Variants in C5 observed in about 807,000 individuals in gnomAD.
C5 encodes C3 and PZP-like alpha-2-macroglobulin domain-containing protein 4.
A neutral mutation model predicts 218.8 loss-of-function variants in C5; 140 were observed. The observed-to-expected ratio is 0.64, with a 90% CI of 0.56 to 0.74. C5 has a LOEUF of 0.74. Among genes scored for constraint, C5 ranks in the 30% least tolerant of loss-of-function variants. The probability of loss-of-function intolerance (pLI) is 0.00; values close to 1 mark genes in which losing one functional copy is unlikely to be tolerated. For synonymous variants in C5, 614 were observed against 682.3 expected, an observed-to-expected ratio of 0.90 and a Z score of 1.56; for missense variants, 1,700 against 1,969.6, an observed-to-expected ratio of 0.86 and a Z score of 2.59.
chr9:121,034,131 G>T (rs2047502468), intron 5 of C5, among the ~76,000 whole-genome samples: 1 of 152,138 alleles, frequency 6.6e-6, no homozygotes, highest in Non-Finnish European at 1.5e-5. Flanking sequence ...TGTTGGCCAG[G>T]CTGGTCTCAA....
At chr9:121,042,958 T>G (rs375421833) in intron 3 of C5, 46 bp downstream of exon 3, 73 of 1,497,232 alleles carry the variant, frequency 4.9e-5, no homozygotes, top group Non-Finnish European at 6.2e-5. Flanking sequence ...ATAGTGTCAA[T>G]ACTGTCAAAT....
chr9:121,048,372 A>G (rs2047645768), intron 1 of C5, among the ~76,000 whole-genome samples: 1 of 152,210 alleles, frequency 6.6e-6, no homozygotes, highest in Non-Finnish European at 1.5e-5. Context: ...CTCCTGTCAG[A>G]TCAGTGGTGG....
intron 3 of C5, among the ~76,000 whole-genome samples, chr9:121,042,654 C>T (rs1165580909): frequency 1.3e-5 from 2 of 152,180 alleles, no homozygotes; most frequent in African/African-American, 2.4e-5. Flanking sequence ...ACAATAATTT[C>T]GCATAGCTAA....
the C5 span, among the ~76,000 whole-genome samples, chr9:121,073,244 T>C: frequency 3.3e-5 from 5 of 152,230 alleles, no homozygotes; most frequent in Admixed American, 2.0e-4. Flanking sequence ...CCAGCCACAC[T>C]GAATTACTTA....
chr9:121,038,409 T>TA (rs2047548784), intron 3 of C5, among the ~76,000 whole-genome samples: 2 of 152,184 alleles, frequency 1.3e-5, no homozygotes, highest in South Asian at 4.1e-4. Flanking sequence ...CTCTTCCACT[T>TA]ATGAAAACCC....
intron 22 of C5, 52 bp downstream of exon 22, chr9:120,996,188 T>C (rs1245402410): frequency 7.4e-7 from 1 of 1,355,632 alleles, no homozygotes; most frequent in Non-Finnish European, 1.1e-6. Context: ...CATACACACT[T>C]TAACTTCTAA....
intron 23 of C5, among the ~76,000 whole-genome samples, chr9:120,990,556 A>G (rs2131712697): frequency 6.6e-6 from 1 of 152,238 alleles, no homozygotes; most frequent in Non-Finnish European, 1.5e-5. Flanking sequence ...CTTATAGACG[A>G]GGTAAGAGGA....
chr9:121,043,842 C>A (rs1324662743), intron 2 of C5, among the ~76,000 whole-genome samples: 2 of 151,788 alleles, frequency 1.3e-5, no homozygotes, highest in Non-Finnish European at 2.9e-5. Flanking sequence ...GTCACCGTGC[C>A]CATGTGTCCA....
chr9:120,980,677 G>A (rs184038860), intron 27 of C5, among the ~76,000 whole-genome samples: 11 of 151,898 alleles, frequency 7.2e-5, no homozygotes, highest in African/African-American at 2.2e-4. Context: ...TGCAAGCTCC[G>A]CCTCCCAGGT....
rs1426631593 is a variant in C5 at position 120,980,082 on chromosome 9, C to T, written c.3658+1G>A. 1.2e-6 allele frequency: 2 copies of T among 1,613,738 alleles called. No individual in the cohort carries two copies. Among genetic ancestry groups the T allele is most frequent in the African/African-American group, 1.3e-5 (1 of 74,862 alleles). ...GAATACATGTATGGAACAAGTTATA[C>T]CTTTAACCAAAGCTTCTCTCTTCAA... On this transcript the variant is annotated splice_donor_variant, in intron 28 of 40. Coordinates refer to ENST00000223642, the MANE Select transcript of C5 (RefSeq NM_001735.3). LOFTEE classifies it high-confidence loss of function.
intron 20 of C5, among the ~76,000 whole-genome samples, chr9:121,004,989 A>AT (rs1219001934): frequency 6.6e-6 from 1 of 151,972 alleles, no homozygotes; most frequent in Non-Finnish European, 1.5e-5. Context: ...GTCTTAAAAA[A>AT]AAAAGTGTCA....
intron 6 of C5, 131 bp from the exon 7 acceptor site, chr9:121,030,618 AATC>A (rs993145219): frequency 5.0e-6 from 3 of 600,316 alleles, no homozygotes; most frequent in Non-Finnish European, 9.0e-6. Context: ...TTATTATCAT[AATC>A]ATCATCGTCA....
At chr9:120,967,221 C>G (rs1328594185) in intron 33 of C5, among the ~76,000 whole-genome samples, 1 of 148,626 alleles carries the variant, frequency 6.7e-6, no homozygotes, top group East Asian at 2.0e-4. Flanking sequence ...GATCACGCCA[C>G]TGCACTCCAG....
chr9:121,018,803 AAG>A (rs1462697992), intron 12 of C5, among the ~76,000 whole-genome samples: 3 of 150,234 alleles, frequency 2.0e-5, no homozygotes, highest in East Asian at 3.9e-4. Flanking sequence ...GGAAGGAAGA[AAG>A]AGTGAGTTAA....
At chr9:121,065,460 T>G in the C5 span, among the ~76,000 whole-genome samples, 4 of 149,258 alleles carry the variant, frequency 2.7e-5, no homozygotes, top group Non-Finnish European at 6.0e-5. Flanking sequence ...AGCATTACTT[T>G]TTTTGTTTTG....
chr9:121,010,740 T>C (rs1316356241), intron 17 of C5, among the ~76,000 whole-genome samples: 1 of 151,876 alleles, frequency 6.6e-6, no homozygotes, highest in African/African-American at 2.4e-5. Flanking sequence ...AATTATACTA[T>C]AGTATAATTC....
intron 21 of C5, 61 bp downstream of exon 21, chr9:120,997,486 C>T (rs1389257844): frequency 8.1e-7 from 1 of 1,228,750 alleles, no homozygotes; most frequent in Admixed American, 1.8e-5. Context: ...TCTCCCCCCC[C>T]TTTCTGTGTC....
intron 33 of C5, among the ~76,000 whole-genome samples, chr9:120,964,107 A>G (rs2046848429): frequency 6.6e-6 from 1 of 152,238 alleles, no homozygotes; most frequent in Non-Finnish European, 1.5e-5. Flanking sequence ...TCATTTTCTA[A>G]TGAAGCATAT....
the C5 span, among the ~76,000 whole-genome samples, chr9:121,064,123 G>A: frequency 1.3e-5 from 2 of 151,100 alleles, no homozygotes; most frequent in Non-Finnish European, 3.0e-5. Context: ...TTTATTTTTT[G>A]TTTTTTTAAA....
Sources: gnomAD v4.1 joint callset for allele counts (sites outside exome capture counted in the v4.1 genomes callset) on GRCh38, gnomAD v4.1.1 for gene constraint, MANE v1.5 for transcripts, NCBI Gene and HGNC (gene_info 2026-07-23, HGNC 2026-07-21) for gene names.